DNAJC10: variants seen among roughly 807,000 people sequenced by gnomAD.
The protein encoded by DNAJC10 is endoplasmic reticulum disulfide reductase DNAJC10.
DNAJC10 carries 101 observed loss-of-function variants against 115.0 expected under a neutral mutation model. The observed-to-expected ratio is 0.88, with a 90% confidence interval of 0.75 to 1.04. The LOEUF (loss-of-function observed/expected upper bound fraction) is 1.04. Among genes scored for constraint, DNAJC10 ranks in the 50% least tolerant of loss-of-function variants. The pLI, the probability that DNAJC10 is intolerant of heterozygous loss-of-function variation, is 0.00. For synonymous variants in DNAJC10, 307 were observed against 301.5 expected (o/e 1.02, Z -0.19); for missense variants, 981 against 928.8 (o/e 1.06, Z -0.73).
chr2:182,791,611 T>C lies in DNAJC10; in HGVS notation c.*14479T>C, dbSNP rs1695049550. ...TCTTCAAACTGGCCTCTGTGAACTC[T>C]TTCTTGACAAGTGAAACCTGGCTCC... On this transcript the variant is annotated 3_prime_UTR_variant, in exon 24 of 24. Coordinates refer to ENST00000264065, the MANE Select transcript of DNAJC10 (RefSeq NM_018981.4). The C allele has an allele frequency of 6.6e-6, 1 of 152,200 alleles. No individual in the cohort carries two copies. The highest frequency in any genetic ancestry group is 1.5e-5 in the Non-Finnish European group (1 of 68,020). 9.4% of individuals were successfully genotyped at this position (152,200 alleles called of 1,614,324 possible).
Position 182,736,317 on chromosome 2 carries a change from T to C in DNAJC10, c.918T>C (p.Ile306=). 1 of 1,596,534 alleles carries C rather than the reference T, an allele frequency of 6.3e-7. No homozygotes were observed. The highest frequency in any genetic ancestry group is 8.5e-7 in the Non-Finnish European group (1 of 1,173,374). Residue 306 remains isoleucine (I), a synonymous_variant, in exon 11 of 24, where the codon ATT becomes ATC. Coordinates refer to ENST00000264065, the MANE Select transcript of DNAJC10 (RefSeq NM_018981.4). ...ATAACCTTTGTAAAAGCTTAGATATTACAACAAGTACTACTGCTTATTTTC... is the reference window on the plus strand; with the variant it reads ...ATAACCTTTGTAAAAGCTTAGATATCACAACAAGTACTACTGCTTATTTTC... The part of the protein sequence containing the change: ...TQDNLCKSLD[I]TTSTTAYFPP...
chr2:182,756,676 CTTT>C (rs532963808), intron 18 of DNAJC10, among the ~76,000 whole-genome samples: 1 of 146,620 alleles, frequency 6.8e-6, no homozygotes, highest in Admixed American at 6.8e-5. Context: ...ATCTGGTACA[CTTT>C]TTTTTTTTGG....
At chr2:182,722,999 T>C (rs1228649321) in intron 5 of DNAJC10, among the ~76,000 whole-genome samples, 14 of 151,454 alleles carry the variant, frequency 9.2e-5, no homozygotes, top group Admixed American at 9.2e-4. Flanking sequence ...TTACAGCTAC[T>C]TGATTTTATA....
chr2:182,732,215 A>G (rs927906145), intron 9 of DNAJC10, among the ~76,000 whole-genome samples: 6 of 152,082 alleles, frequency 3.9e-5, no homozygotes, highest in Admixed American at 2.6e-4. Context: ...GGAGAGATTG[A>G]GAGTATTAAC....
At chr2:182,754,729 A>ATT in intron 16 of DNAJC10, 1 of 1,141,186 alleles carries the variant, frequency 8.8e-7, no homozygotes. Flanking sequence ...CATTCGTATA[A>ATT]TTACCCATGC....
intron 11 of DNAJC10, 91 bp downstream of exon 11, chr2:182,736,477 A>C: frequency 1.1e-6 from 1 of 933,256 alleles, no homozygotes; most frequent in Non-Finnish European, 1.5e-6. Flanking sequence ...GAGCAAAGAA[A>C]TGAACAATTT....
rs1693011469 is a variant in DNAJC10, at chr2:182,717,018, A to T, written c.-201A>T. ...CTACATCATTATATTTTTCAAAGGT[A>T]TATTTTTGTGGAATGAAAAGGAAGT... On this transcript the variant is annotated splice_region_variant and 5_prime_UTR_variant, in exon 2 of 24. Coordinates refer to ENST00000264065, the MANE Select transcript of DNAJC10 (RefSeq NM_018981.4). The T allele has an allele frequency of 6.6e-6, 1 of 152,254 alleles. No individual in the cohort carries two copies. Among genetic ancestry groups the T allele is most frequent in the African/African-American group, 2.4e-5 (1 of 41,466 alleles). The allele number at this position is 152,254 out of a possible 1,614,324, so 9.4% of individuals were successfully genotyped here. A position where few individuals can be genotyped will look rare whatever the true frequency, so the allele number is the denominator to read the frequency against.
chr2:182,718,318 T>G (rs752454059), intron 3 of DNAJC10, 28 bp downstream of exon 3: 1 of 1,520,228 alleles, frequency 6.6e-7, no homozygotes, highest in Non-Finnish European at 8.9e-7. Flanking sequence ...TTTAAAAATA[T>G]TTGATTATAT....
chr2:182,719,417 G>C (rs1693087791), intron 3 of DNAJC10, among the ~76,000 whole-genome samples: 1 of 151,722 alleles, frequency 6.6e-6, no homozygotes, highest in South Asian at 2.1e-4. Context: ...CTACTGCCCA[G>C]CTAGTTTTTG....
intron 11 of DNAJC10, 64 bp from the exon 12 acceptor site, chr2:182,740,235 C>A (rs1051932473): frequency 5.9e-6 from 7 of 1,190,402 alleles, no homozygotes; most frequent in Non-Finnish European, 7.7e-6. Context: ...ATTGAAAAAA[C>A]AAAAGATATC....
intron 5 of DNAJC10, 113 bp from the exon 6 acceptor site, chr2:182,728,463 A>G (rs1693347766): frequency 8.1e-6 from 5 of 616,476 alleles, no homozygotes. Context: ...GAAAGACAAT[A>G]TGAAAATTGC....
At chr2:182,749,546 G>A (rs559368771) in intron 14 of DNAJC10, among the ~76,000 whole-genome samples, 4 of 150,898 alleles carry the variant, frequency 2.7e-5, no homozygotes, top group African/African-American at 7.3e-5. Context: ...GAGCCTATGT[G>A]TGTCTCTGCA....
Position 182,784,556 on chromosome 2 carries a change from T to C in DNAJC10, c.*7424T>C, listed in dbSNP as rs1694912870. On this transcript the variant is annotated 3_prime_UTR_variant, in exon 24 of 24. Transcript: ENST00000264065. ...TTATACTGTTGACTGTGTTTAAAAC[T>C]AATTTGCCAGAGCTCTACTGTGATA... 1 of 152,154 alleles carries C rather than the reference T, an allele frequency of 6.6e-6. No individual in the cohort carries two copies. Among genetic ancestry groups the C allele is most frequent in the South Asian group, 2.1e-4 (1 of 4,830 alleles). The allele number at this position is 152,154 out of a possible 1,614,324, so 9.4% of individuals were successfully genotyped here. A position where few individuals can be genotyped will look rare whatever the true frequency, so the allele number is the denominator to read the frequency against.
intron 6 of DNAJC10, 86 bp downstream of exon 6, chr2:182,728,744 T>C (rs1693357183): frequency 5.4e-6 from 8 of 1,478,434 alleles, no homozygotes; most frequent in Middle Eastern, 1.8e-4. Context: ...CTATGAATAG[T>C]AATCAAAAAT....
intron 14 of DNAJC10, among the ~76,000 whole-genome samples, chr2:182,747,380 A>C (rs1461190194): frequency 6.6e-6 from 1 of 151,882 alleles, no homozygotes; most frequent in Non-Finnish European, 1.5e-5. Context: ...ATGTTCTTCC[A>C]TTTGTTTGTA....
In DNAJC10 at chr2:182,743,647, A is replaced by T. The variant is rs11681366; in HGVS notation, c.1241A>T (p.Tyr414Phe). The change falls in exon 14 of 24, where the codon TAT (tyrosine) becomes TTT (phenylalanine). Residue 414 changes from tyrosine to phenylalanine, a missense_variant. Physicochemically the swap from Tyr to Phe is conservative, Grantham distance 22. Transcript: ENST00000264065. The part of the protein sequence containing the change: ...SSAPDICSNL[Y>F]VFQPSLAVFK... ...GCACCAGACATCTGTAGTAATCTGT[A>T]TGTTTTTCAGCCGTCTCTAGCAGTA... 3.7e-6 allele frequency: 6 copies of T among 1,613,652 alleles called. No homozygotes were observed. The highest frequency in any genetic ancestry group is 5.1e-6 in the Non-Finnish European group (6 of 1,179,846).
rs1337688543 is a variant in DNAJC10, at chr2:182,790,640, A to G, written c.*13508A>G. ...GTCTCTACTAAAAATACAAAAAAAA[A>G]TGGCCAGGCGTGGTGGTGCACGCCT... On this transcript the variant is annotated 3_prime_UTR_variant, in exon 24 of 24. Transcript: ENST00000264065. The G allele has an allele frequency of 3.3e-5, 5 of 151,668 alleles. No homozygotes were observed. The allele number at this position is 151,668 out of a possible 1,614,324, so 9.4% of individuals were successfully genotyped here.
At chr2:182,772,012 A>T (rs1243453753) in intron 22 of DNAJC10, among the ~76,000 whole-genome samples, 1 of 152,166 alleles carries the variant, frequency 6.6e-6, no homozygotes, top group African/African-American at 2.4e-5. Flanking sequence ...AGATTCTGGT[A>T]TGTTGTGTCT....
intron 22 of DNAJC10, among the ~76,000 whole-genome samples, chr2:182,767,746 G>A (rs1694451759): frequency 6.6e-6 from 1 of 152,144 alleles, no homozygotes; most frequent in African/African-American, 2.4e-5. Flanking sequence ...GAAAGAGCTT[G>A]TTAAACCACA....
Sources: gnomAD v4.1 joint callset for allele counts (sites outside exome capture counted in the v4.1 genomes callset) on GRCh38, gnomAD v4.1.1 for gene constraint, MANE v1.5 for transcripts, NCBI Gene and HGNC (gene_info 2026-07-23, HGNC 2026-07-21) for gene names.